Variants in CNTN4 observed in about 807,000 individuals in gnomAD.
CNTN4 encodes the protein contactin-4.
In CNTN4, 77 loss-of-function variants were observed where a neutral mutation model predicts 122.5. The ratio of observed to expected loss-of-function variants is 0.63; its 90% CI spans 0.52 to 0.76. The LOEUF (loss-of-function observed/expected upper bound fraction) is 0.76. CNTN4 is among the 30% of genes least tolerant of loss of function. CNTN4 has a pLI of 0.00. For missense variants in CNTN4, 1,256 were observed against 1,259.1 expected, an observed-to-expected ratio of 1.00 and a Z score of 0.04; for synonymous variants, 512 against 447.0, an observed-to-expected ratio of 1.15 and a Z score of -1.83.
At chr3:2,698,675 C>T (rs1421823414) in intron 4 of CNTN4, among the ~76,000 whole-genome samples, 2 of 152,158 alleles carry the variant, frequency 1.3e-5, no homozygotes, top group African/African-American at 4.8e-5. Flanking sequence ...TCTATTTCAT[C>T]ATGCTATTTA....
intron 2 of CNTN4, among the ~76,000 whole-genome samples, chr3:2,273,929 G>T (rs1213645417): frequency 6.6e-6 from 1 of 152,052 alleles, no homozygotes; most frequent in Non-Finnish European, 1.5e-5. Flanking sequence ...CTTAATAGAG[G>T]TTAGCATTAT....
chr3:2,966,563 A>G (rs1413260740), intron 13 of CNTN4, among the ~76,000 whole-genome samples: 2 of 152,208 alleles, frequency 1.3e-5, no homozygotes, highest in African/African-American at 4.8e-5. Context: ...ATTCAATAAC[A>G]CAATGGGGTG....
intron 7 of CNTN4, among the ~76,000 whole-genome samples, chr3:2,826,060 G>A (rs2092981009): frequency 6.6e-6 from 1 of 152,106 alleles, no homozygotes; most frequent in Admixed American, 6.6e-5. Flanking sequence ...GTGTTTCATA[G>A]ATAAGGAAAT....
At chr3:2,441,618 G>A (rs1400077779) in intron 3 of CNTN4, among the ~76,000 whole-genome samples, 1 of 152,156 alleles carries the variant, frequency 6.6e-6, no homozygotes, top group Non-Finnish European at 1.5e-5. Flanking sequence ...GGATTCGACT[G>A]TGGCATTCAA....
intron 2 of CNTN4, among the ~76,000 whole-genome samples, chr3:2,125,330 C>CTG (rs397721422): frequency 0.082 from 11,780 of 143,340 alleles, 597 homozygotes; most frequent in South Asian, 0.15. Flanking sequence ...ATTCTATTCT[C>CTG]TGTGTGTGTG....
rs190825672 is a variant in CNTN4 at position 2,809,635 on chromosome 3, C to T, written c.359-9851C>T. Among the ~76,000 whole-genome samples, 8 of 152,298 alleles carry T rather than the reference C, an allele frequency of 5.3e-5. No homozygotes were observed. In the East Asian group the frequency reaches 1.3e-3, roughly 26 times the overall value. On this transcript the variant is annotated intron_variant, in intron 6 of 24. Transcript: ENST00000418658. ...GAATGCAGCTGCCTAACCATTAACA[C>T]TCCTGAGTCAGGATGATATGAGAAA...
intron 3 of CNTN4, among the ~76,000 whole-genome samples, chr3:2,458,671 T>C (rs2049089819): frequency 6.6e-6 from 1 of 152,154 alleles, no homozygotes; most frequent in Non-Finnish European, 1.5e-5. Context: ...TTGTGATTTC[T>C]TTTCTTAAGG....
Position 2,237,564 on chromosome 3 carries a change from A to G in CNTN4, c.-144-101614A>G, listed in dbSNP as rs544953608. 2.6e-5 allele frequency among the ~76,000 whole-genome samples: 4 copies of G among 152,284 alleles called. No homozygotes were observed. In the East Asian group the frequency reaches 5.8e-4, roughly 22 times the overall value. ...AGAGAGAGGGATTTCTAAATCTTGG[A>G]TTGTGCTTATGCCATTTAAAAGCTT... On this transcript the variant is annotated intron_variant, in intron 2 of 24. Coordinates refer to ENST00000418658, the MANE Select transcript of CNTN4 (RefSeq NM_175607.3).
chr3:2,173,801 G>C (rs1021256927), intron 2 of CNTN4, among the ~76,000 whole-genome samples: 1 of 151,818 alleles, frequency 6.6e-6, no homozygotes, highest in Admixed American at 6.6e-5. Context: ...CAGTTGACTT[G>C]AACTCTAAAA....
At chr3:2,191,284 T>C (rs531964451) in intron 2 of CNTN4, among the ~76,000 whole-genome samples, 2 of 150,352 alleles carry the variant, frequency 1.3e-5, no homozygotes, top group Non-Finnish European at 3.0e-5. Flanking sequence ...AACCCAGACA[T>C]AGAACTCAAC....
At chr3:2,322,786 T>C (rs554856325) in intron 2 of CNTN4, among the ~76,000 whole-genome samples, 1 of 152,340 alleles carries the variant, frequency 6.6e-6, no homozygotes, top group South Asian at 2.1e-4. Context: ...AAATATGCTG[T>C]TAAGTGTCTT....
chr3:2,549,629 G>C (rs2078398477), intron 3 of CNTN4, among the ~76,000 whole-genome samples: 1 of 152,060 alleles, frequency 6.6e-6, no homozygotes, highest in Non-Finnish European at 1.5e-5. Context: ...TTTCACATCG[G>C]TGTTCAGCAG....
At chr3:2,951,582 A>G (rs1011005374) in intron 13 of CNTN4, among the ~76,000 whole-genome samples, 1 of 152,224 alleles carries the variant, frequency 6.6e-6, no homozygotes, top group African/African-American at 2.4e-5. Flanking sequence ...TAATTCGTCT[A>G]AACTTATTGG....
chr3:2,951,345 C>G (rs2094741843), intron 13 of CNTN4, among the ~76,000 whole-genome samples: 1 of 152,128 alleles, frequency 6.6e-6, no homozygotes, highest in African/African-American at 2.4e-5. Flanking sequence ...ACCTCTAGAT[C>G]CCTCAAATGC....
intron 7 of CNTN4, among the ~76,000 whole-genome samples, chr3:2,838,560 TAAAAAAAAAA>T (rs11394928): frequency 7.8e-6 from 1 of 127,948 alleles, no homozygotes; most frequent in Non-Finnish European, 1.7e-5. Context: ...CTATGGTTTG[TAAAAAAAAAA>T]AAAAAAAAAA....
At chr3:2,411,512 G>C (rs1393152287) in intron 3 of CNTN4, among the ~76,000 whole-genome samples, 3 of 152,124 alleles carry the variant, frequency 2.0e-5, no homozygotes, top group African/African-American at 7.2e-5. Context: ...TGAAGTTGCA[G>C]CCTTACATGA....
intron 2 of CNTN4, among the ~76,000 whole-genome samples, chr3:2,232,777 A>G (rs909899967): frequency 4.6e-5 from 7 of 152,144 alleles, no homozygotes; most frequent in Non-Finnish European, 7.4e-5. Context: ...TTTTTTAATT[A>G]TAATTGAGAT....
rs927698488 is a variant in CNTN4, at chr3:2,551,183, G to T, written c.-88-20233G>T. Among the ~76,000 whole-genome samples the T allele has an allele frequency of 7.9e-5, 12 of 152,196 alleles. 1 individual carries two copies. Among genetic ancestry groups the T allele is most frequent in the Middle Eastern group, 6.8e-3 (2 of 292 alleles). The stretch of plus-strand genomic sequence containing the variant: ...GAGGTCTGTGGAGCATGTTGTACAG[G>T]TTTGCATTAATTCCTTCAGAACCAG... On this transcript the variant is annotated intron_variant, in intron 3 of 24. Transcript: ENST00000418658.
intron 3 of CNTN4, among the ~76,000 whole-genome samples, chr3:2,464,662 T>A (rs1262193218): frequency 1.3e-5 from 2 of 152,220 alleles, no homozygotes; most frequent in Non-Finnish European, 2.9e-5. Flanking sequence ...GGCTTTGATT[T>A]ACTGGGTTTC....
Sources: gnomAD v4.1 joint callset for allele counts (sites outside exome capture counted in the v4.1 genomes callset) on GRCh38, gnomAD v4.1.1 for gene constraint, MANE v1.5 for transcripts, NCBI Gene and HGNC (gene_info 2026-07-23, HGNC 2026-07-21) for gene names.